LRRIQ3: variants seen among roughly 807,000 people sequenced by gnomAD.
The protein encoded by LRRIQ3 is leucine-rich repeat and IQ domain-containing protein 3.
LRRIQ3 carries 75 observed loss-of-function variants against 59.3 expected under a neutral mutation model. The observed-to-expected ratio is 1.26, with a 90% CI of 1.05 to 1.53. The LOEUF is 1.53. Ranked by LOEUF, LRRIQ3 falls within the 40% of genes most tolerant of loss-of-function variation. The probability of loss-of-function intolerance (pLI) is 0.00; values close to 1 mark genes in which losing one functional copy is unlikely to be tolerated. For synonymous variants in LRRIQ3, 250 were observed against 231.3 expected, an observed-to-expected ratio of 1.08 and a Z score of -0.73; for missense variants, 831 against 710.0, an observed-to-expected ratio of 1.17 and a Z score of -1.94.
At chr1:74,129,504 A>G (rs1339565286) in intron 4 of LRRIQ3, among the ~76,000 whole-genome samples, 1 of 152,008 alleles carries the variant, frequency 6.6e-6, no homozygotes, top group African/African-American at 2.4e-5. Flanking sequence ...TCTGGACCAG[A>G]GAGGGTACAG....
At chr1:74,167,977 G>A (rs1649092203) in intron 3 of LRRIQ3, among the ~76,000 whole-genome samples, 1 of 151,722 alleles carries the variant, frequency 6.6e-6, no homozygotes, top group African/African-American at 2.4e-5. Flanking sequence ...TTTGTTTTAG[G>A]GATAGTTGCT....
intron 5 of LRRIQ3, among the ~76,000 whole-genome samples, chr1:74,098,796 G>A (rs1367605253): frequency 6.6e-6 from 1 of 152,178 alleles, no homozygotes; most frequent in African/African-American, 2.4e-5. Context: ...ACCTGCTCCT[G>A]AATGACTACT....
intron 1 of LRRIQ3, among the ~76,000 whole-genome samples, chr1:74,185,858 G>A (rs1650334906): frequency 1.3e-5 from 2 of 151,776 alleles, no homozygotes. Context: ...CAGGAGAATG[G>A]TGTGAACCCA....
intron 5 of LRRIQ3, among the ~76,000 whole-genome samples, chr1:74,099,259 C>A (rs1646495268): frequency 6.6e-6 from 1 of 152,138 alleles, no homozygotes; most frequent in Non-Finnish European, 1.5e-5. Context: ...AAACTACCAT[C>A]AGAGAATACT....
At chr1:74,171,884 C>A (rs1649343491) in intron 3 of LRRIQ3, among the ~76,000 whole-genome samples, 1 of 151,976 alleles carries the variant, frequency 6.6e-6, no homozygotes, top group Non-Finnish European at 1.5e-5. Context: ...ATTTATTTAT[C>A]ATTTCTTCTA....
At chr1:74,129,288 A>C (rs1209198415) in intron 4 of LRRIQ3, among the ~76,000 whole-genome samples, 1 of 151,992 alleles carries the variant, frequency 6.6e-6, no homozygotes, top group Non-Finnish European at 1.5e-5. Context: ...CTGTCACCCA[A>C]GCCACAAAAC....
At chr1:74,082,535 G>A (rs1646284986) in intron 5 of LRRIQ3, 1 of 151,338 alleles carries the variant, frequency 6.6e-6, no homozygotes, top group African/African-American at 2.4e-5. Context: ...ATATTTCTAA[G>A]TATATTTGAA....
chr1:74,147,455 T>A (rs1010187400), intron 4 of LRRIQ3, among the ~76,000 whole-genome samples: 3 of 152,226 alleles, frequency 2.0e-5, no homozygotes, highest in African/African-American at 7.2e-5. Context: ...ATTAATTTGA[T>A]GTTTGATAAC....
intron 3 of LRRIQ3, among the ~76,000 whole-genome samples, chr1:74,175,639 C>A (rs1321400528): frequency 6.6e-6 from 1 of 152,126 alleles, no homozygotes; most frequent in Non-Finnish European, 1.5e-5. Flanking sequence ...TGTAACCTCT[C>A]CCCTGGGTTC....
chr1:74,151,154 A>T (rs1326631151), intron 4 of LRRIQ3, among the ~76,000 whole-genome samples: 2 of 151,438 alleles, frequency 1.3e-5, no homozygotes, highest in African/African-American at 4.9e-5. Context: ...AGTAGCTGGG[A>T]CAACAGGTAT....
intron 6 of LRRIQ3, among the ~76,000 whole-genome samples, chr1:74,058,783 G>T (rs533488330): frequency 1.6e-4 from 25 of 152,098 alleles, no homozygotes; most frequent in African/African-American, 6.0e-4. Flanking sequence ...TTATGCTATT[G>T]ATCACTGTGC....
intron 6 of LRRIQ3, among the ~76,000 whole-genome samples, chr1:74,042,996 C>T (rs1034213042): frequency 1.3e-5 from 2 of 152,172 alleles, no homozygotes; most frequent in Admixed American, 6.6e-5. Flanking sequence ...CAGAATCATC[C>T]AAGTTGGGTC....
intron 6 of LRRIQ3, among the ~76,000 whole-genome samples, chr1:74,042,980 A>G (rs1044085703): frequency 1.3e-5 from 2 of 152,138 alleles, no homozygotes; most frequent in African/African-American, 4.8e-5. Flanking sequence ...AAAACTTCTC[A>G]TGGACCAGAA....
At chr1:74,055,048 C>A (rs538450115) in intron 6 of LRRIQ3, among the ~76,000 whole-genome samples, 1 of 147,532 alleles carries the variant, frequency 6.8e-6, no homozygotes, top group Non-Finnish European at 1.5e-5. Context: ...TAAATACCCA[C>A]ATACATATTA....
intron 6 of LRRIQ3, among the ~76,000 whole-genome samples, chr1:74,051,507 A>T (rs1312500238): frequency 6.6e-6 from 1 of 152,222 alleles, no homozygotes; most frequent in Non-Finnish European, 1.5e-5. Flanking sequence ...TTAGTGGTAT[A>T]TTAAATCATT....
At chr1:74,160,956 C>A (rs1036102219) in intron 3 of LRRIQ3, among the ~76,000 whole-genome samples, 21 of 151,984 alleles carry the variant, frequency 1.4e-4, no homozygotes, top group Admixed American at 7.9e-4. Context: ...GCCTTAGTTT[C>A]TTCTTTTGAT....
At chr1:74,050,420 A>G in intron 6 of LRRIQ3, 1 of 655,584 alleles carries the variant, frequency 1.5e-6, no homozygotes, top group East Asian at 1.4e-4. Flanking sequence ...ACTTAAGAGC[A>G]AAACAACTGG....
intron 4 of LRRIQ3, among the ~76,000 whole-genome samples, chr1:74,148,737 C>T (rs1217880377): frequency 1.3e-5 from 2 of 152,156 alleles, no homozygotes; most frequent in African/African-American, 4.8e-5. Flanking sequence ...TTAATTACAT[C>T]TGCATAATAT....
intron 6 of LRRIQ3, among the ~76,000 whole-genome samples, chr1:74,063,144 ACAAC>A (rs1557598938): frequency 4.0e-5 from 6 of 150,838 alleles, no homozygotes; most frequent in Non-Finnish European, 7.4e-5. Flanking sequence ...AACAACAACA[ACAAC>A]AACAAAACGA....
Sources: gnomAD v4.1 joint callset for allele counts (sites outside exome capture counted in the v4.1 genomes callset) on GRCh38, gnomAD v4.1.1 for gene constraint, MANE v1.5 for transcripts, NCBI Gene and HGNC (gene_info 2026-07-23, HGNC 2026-07-21) for gene names.